The following NTRK3 variants were observed in gnomAD, a reference collection of about 807,000 sequenced individuals.
NTRK3 encodes the protein NT-3 growth factor receptor.
NTRK3 carries 24 observed loss-of-function variants against 91.7 expected under a neutral mutation model. That is an observed-to-expected ratio of 0.26 (90% CI 0.19 to 0.37). The LOEUF is 0.37. NTRK3 is among the 10% of genes least tolerant of loss of function. The pLI is 1.00. For synonymous variants in NTRK3, 483 were observed against 404.0 expected, an observed-to-expected ratio of 1.20 and a Z score of -2.34; for missense variants, 880 against 1,068.9, an observed-to-expected ratio of 0.82 and a Z score of 2.46.
At chr15:88,242,059 T>C (rs890312887) in intron 3 of NTRK3, among the ~76,000 whole-genome samples, 9 of 152,224 alleles carry the variant, frequency 5.9e-5, no homozygotes, top group Non-Finnish European at 4.4e-5. Flanking sequence ...GAGAAACGAA[T>C]GAACGGTTGC....
chr15:87,982,166 G>A (rs2074342341), intron 14 of NTRK3, among the ~76,000 whole-genome samples: 2 of 152,196 alleles, frequency 1.3e-5, no homozygotes, highest in Non-Finnish European at 1.5e-5. Context: ...GGGATCTGAA[G>A]TTTGTTTTCT....
intron 5 of NTRK3, among the ~76,000 whole-genome samples, chr15:88,163,873 A>C (rs564250732): frequency 1.0e-3 from 159 of 152,260 alleles, no homozygotes; most frequent in African/African-American, 3.8e-3. Context: ...ACAATGTGTT[A>C]TTTACTGAGA....
chr15:88,159,728 A>G (rs2044256633), intron 5 of NTRK3, among the ~76,000 whole-genome samples: 1 of 152,106 alleles, frequency 6.6e-6, no homozygotes. Context: ...AACAAATGCC[A>G]TTGTTAATAA....
chr15:88,013,587 C>T (rs1265085115), intron 14 of NTRK3, among the ~76,000 whole-genome samples: 1 of 152,208 alleles, frequency 6.6e-6, no homozygotes, highest in Non-Finnish European at 1.5e-5. Context: ...GCCTGGGAAT[C>T]AAACAGATGC....
intron 10 of NTRK3, 140 bp from the exon 11 acceptor site, chr15:88,128,874 G>A: frequency 1.3e-6 from 1 of 773,902 alleles, no homozygotes; most frequent in South Asian, 1.4e-5. Flanking sequence ...AAAATGCATG[G>A]CACATCACCC....
chr15:88,097,533 T>C (rs899467096), intron 13 of NTRK3, among the ~76,000 whole-genome samples: 3 of 152,230 alleles, frequency 2.0e-5, no homozygotes, highest in African/African-American at 7.2e-5. Flanking sequence ...ACGCTTAATA[T>C]AGTAATTCCA....
chr15:88,143,541 C>G (rs1343227116), intron 6 of NTRK3, among the ~76,000 whole-genome samples: 1 of 152,208 alleles, frequency 6.6e-6, no homozygotes. Flanking sequence ...AATAACTTAA[C>G]TCTCTAAGGT....
intron 3 of NTRK3, among the ~76,000 whole-genome samples, chr15:88,201,472 T>C (rs981627077): frequency 2.0e-5 from 3 of 152,186 alleles, no homozygotes. Flanking sequence ...CTGAATTCTA[T>C]AATGGTAATA....
chr15:87,992,819 C>T (rs2075393492), intron 14 of NTRK3, among the ~76,000 whole-genome samples: 2 of 152,224 alleles, frequency 1.3e-5, no homozygotes, highest in Admixed American at 6.5e-5. Flanking sequence ...TCTTAACCCC[C>T]TCTATATGTA....
At chr15:88,129,274 A>C (rs2053588066) in intron 10 of NTRK3, among the ~76,000 whole-genome samples, 1 of 152,218 alleles carries the variant, frequency 6.6e-6, no homozygotes, top group Non-Finnish European at 1.5e-5. Flanking sequence ...CTCTAGAAAT[A>C]GCTCAACTAA....
chr15:88,007,149 C>A (rs496910), intron 14 of NTRK3, among the ~76,000 whole-genome samples: 1 of 152,166 alleles, frequency 6.6e-6, no homozygotes, highest in African/African-American at 2.4e-5. Flanking sequence ...GGGATGTGCT[C>A]TAGGTATGAT....
chr15:88,248,843 A>T (rs2053091903), intron 3 of NTRK3, among the ~76,000 whole-genome samples: 1 of 152,220 alleles, frequency 6.6e-6, no homozygotes, highest in Admixed American at 6.5e-5. Flanking sequence ...TACTCAGTAG[A>T]TGCTAGCTGT....
In NTRK3 at chr15:87,959,297, C is replaced by T. The variant is rs530738382; in HGVS notation, c.1586-18544G>A. On this transcript the variant is annotated intron_variant, in intron 14 of 18. Coordinates refer to ENST00000394480, the Ensembl canonical transcript of NTRK3. ...CCATCAGTGCTGTACCCAGCACCTC[C>T]GCCACCACCTGGTAGACAGTGGTGC... Among the ~76,000 whole-genome samples the T allele has an allele frequency of 2.0e-5, 3 of 152,324 alleles. No homozygotes were observed. In the East Asian group the frequency reaches 5.8e-4, roughly 29 times the overall value.
rs1229482133 is a variant in NTRK3 at position 87,952,142 on chromosome 15, AAAGAAAAG to A, written c.1586-11397_1586-11390del. 4.5e-3 allele frequency among the ~76,000 whole-genome samples: 691 copies of A among 152,138 alleles called. 5 individuals are homozygous for A. Among genetic ancestry groups the A allele is most frequent in the African/African-American group, 0.016 (663 of 41,480 alleles). Reference sequence around the variant, plus strand: ...ATTCCATTTCAAAAGAAAGAAAAGAAAAGAAAAGAAGGAGAAAGAAAGAAGAAAGAAAA... The same window carrying A: ...ATTCCATTTCAAAAGAAAGAAAAGAAAAGGAGAAAGAAAGAAGAAAGAAAA... On this transcript the variant is annotated intron_variant, in intron 14 of 18. Coordinates refer to ENST00000394480, the Ensembl canonical transcript of NTRK3.
chr15:87,888,150 A>C (rs536644386), intron 17 of NTRK3, among the ~76,000 whole-genome samples: 1 of 152,160 alleles, frequency 6.6e-6, no homozygotes, highest in Non-Finnish European at 1.5e-5. Flanking sequence ...CCTATCACAC[A>C]TGCTCACAAA....
At chr15:87,875,758 T>C (rs992968315) in exon 19 of NTRK3, 12 of 232,794 alleles carry the variant, frequency 5.2e-5, no homozygotes, top group Non-Finnish European at 5.9e-5. Context: ...CTGCAGCCTC[T>C]CACTAGACCT....
At chr15:88,065,764 T>C (rs1456081309) in intron 13 of NTRK3, among the ~76,000 whole-genome samples, 1 of 152,222 alleles carries the variant, frequency 6.6e-6, no homozygotes, top group Non-Finnish European at 1.5e-5. Context: ...CCACAGGAGA[T>C]GTGTACCTAA....
chr15:88,073,765 G>A (rs1273325054), intron 13 of NTRK3, among the ~76,000 whole-genome samples: 1 of 151,788 alleles, frequency 6.6e-6, no homozygotes, highest in African/African-American at 2.4e-5. Context: ...GGAGGGTCCA[G>A]AGTGCTGCAA....
chr15:88,159,943 T>TACACACACACACACACACAC lies in NTRK3; in HGVS notation c.396-12560_396-12541dup, dbSNP rs59254719. Among the ~76,000 whole-genome samples the TACACACACACACACACACAC allele has an allele frequency of 5.6e-4, 63 of 112,044 alleles. 1 individual carries two copies. Among genetic ancestry groups the TACACACACACACACACACAC allele is most frequent in the East Asian group, 1.2e-3 (4 of 3,322 alleles). 73.5% of individuals were successfully genotyped at this position (112,044 alleles called of 152,430 possible). A position where few individuals can be genotyped will look rare whatever the true frequency, so the allele number is the denominator to read the frequency against. On this transcript the variant is annotated intron_variant, in intron 5 of 18. Coordinates refer to ENST00000394480, the Ensembl canonical transcript of NTRK3. ...TGCCTCCCCACCCCACCCAGCCTCC[T>TACACACACACACACACACAC]ACACACACACACACACACACACACA...
Sources: gnomAD v4.1 joint callset for allele counts (sites outside exome capture counted in the v4.1 genomes callset) on GRCh38, gnomAD v4.1.1 for gene constraint, MANE v1.5 for transcripts, NCBI Gene and HGNC (gene_info 2026-07-23, HGNC 2026-07-21) for gene names.